Variants in TOPBP1 observed in about 807,000 individuals in gnomAD.
The protein encoded by TOPBP1 is DNA topoisomerase 2-binding protein 1.
A neutral mutation model predicts 167.7 loss-of-function variants in TOPBP1; 28 were observed. The ratio of observed to expected loss-of-function variants is 0.17; its 90% CI spans 0.12 to 0.23. The LOEUF is 0.23. Ranked by LOEUF, TOPBP1 falls within the 10% of genes least tolerant of loss-of-function variation. The probability of loss-of-function intolerance (pLI) is 1.00; values close to 1 mark genes in which losing one functional copy is unlikely to be tolerated. For missense variants in TOPBP1, 1,554 were observed against 1,809.6 expected (o/e 0.86, Z 2.56); for synonymous variants, 598 against 611.4 (o/e 0.98, Z 0.32).
At chr3:133,625,059 C>T (rs940118638) in intron 16 of TOPBP1, among the ~76,000 whole-genome samples, 1 of 152,162 alleles carries the variant, frequency 6.6e-6, no homozygotes, top group Non-Finnish European at 1.5e-5. Context: ...CTCCACCTCC[C>T]GGGTTCAAGC....
rs182261178 is a variant in TOPBP1, at chr3:133,601,443, G to A, written c.4426-50C>T. ...TTTTAAAATGATTTCAAACATTTAC[G>A]TGATCTGGTAATAGATTTTTTCTTT... On this transcript the variant is annotated intron_variant, in intron 27 of 27. Coordinates refer to ENST00000260810, the MANE Select transcript of TOPBP1 (RefSeq NM_007027.4). 5.0e-4 allele frequency: 658 copies of A among 1,321,524 alleles called. 1 individual carries two copies. Among genetic ancestry groups the A allele is most frequent in the Middle Eastern group, 5.3e-4 (2 of 3,756 alleles). 81.9% of individuals were successfully genotyped at this position (1,321,524 alleles called of 1,614,324 possible). A position where few individuals can be genotyped will look rare whatever the true frequency, so the allele number is the denominator to read the frequency against.
chr3:133,654,954 A>G (rs1936426829), intron 6 of TOPBP1, among the ~76,000 whole-genome samples: 1 of 152,204 alleles, frequency 6.6e-6, no homozygotes, highest in Non-Finnish European at 1.5e-5. Flanking sequence ...TCATGCCTGT[A>G]ATCCCAGGAC....
At chr3:133,603,622 AG>A (rs1934385641) in intron 27 of TOPBP1, among the ~76,000 whole-genome samples, 2 of 152,362 alleles carry the variant, frequency 1.3e-5, no homozygotes, top group South Asian at 2.1e-4. Context: ...GTTATAACAA[AG>A]GATCAATATG....
intron 16 of TOPBP1, chr3:133,628,149 C>A: frequency 1.9e-6 from 1 of 523,052 alleles, no homozygotes; most frequent in Non-Finnish European, 3.4e-6. Flanking sequence ...TGTGCATACC[C>A]TAAAAAATAT....
At chr3:133,620,596 G>T (rs538524478) in intron 19 of TOPBP1, among the ~76,000 whole-genome samples, 16 of 109,572 alleles carry the variant, frequency 1.5e-4, no homozygotes, top group East Asian at 1.4e-3. Flanking sequence ...TTTTTTTTTG[G>T]TGATAGTCTA....
chr3:133,652,652 A>G, intron 7 of TOPBP1, 23 bp from the exon 8 acceptor site: 1 of 1,554,720 alleles, frequency 6.4e-7, no homozygotes, highest in Non-Finnish European at 8.7e-7. Context: ...AAAACGTATA[A>G]ATTTATGGGA....
rs1197302309 is a variant in TOPBP1, at chr3:133,638,092, T to A, written c.2304A>T (p.Thr768=). ...CGGTTTTTCTGTGAGTTTGCAGGCG[T>A]GTGCCAGGATGCTCTGCAGTATCTG... The part of the protein sequence containing the change: ...LNSDTAEHPG[T]RLQTHRKTVV... Residue 768 remains threonine, a synonymous_variant, in exon 14 of 28, where the codon ACA becomes ACT. Coordinates refer to ENST00000260810, the MANE Select transcript of TOPBP1 (RefSeq NM_007027.4). 2 of 1,614,040 alleles carry A rather than the reference T, an allele frequency of 1.2e-6. No individual in the cohort carries two copies. The highest frequency in any genetic ancestry group is 1.7e-6 in the Non-Finnish European group (2 of 1,179,878).
chr3:133,632,197 G>T (rs979127666), intron 14 of TOPBP1, among the ~76,000 whole-genome samples: 11 of 151,836 alleles, frequency 7.2e-5, no homozygotes, highest in Non-Finnish European at 2.9e-5. Flanking sequence ...TTGAGGTCAG[G>T]AGTTTGAGAC....
chr3:133,660,311 C>A (rs1434078225), intron 2 of TOPBP1, among the ~76,000 whole-genome samples: 1 of 152,162 alleles, frequency 6.6e-6, no homozygotes, highest in Admixed American at 6.5e-5. Context: ...TTTTTCTCTT[C>A]CTAATTTATC....
chr3:133,659,409 C>A (rs1331443615), intron 2 of TOPBP1, among the ~76,000 whole-genome samples: 1 of 152,134 alleles, frequency 6.6e-6, no homozygotes, highest in African/African-American at 2.4e-5. Flanking sequence ...TGTCTTCACA[C>A]CACACCCAGA....
Position 133,644,225 on chromosome 3 carries a change from GTAA to G in TOPBP1, c.1640_1642del (p.Ile547del). Reference sequence around the variant, plus strand: ...CTTTTGGCTAAATAAGCCTTCTTCAGTAATTGTAGAAACATCAGGGACACAATG... The same window carrying G: ...CTTTTGGCTAAATAAGCCTTCTTCAGTTGTAGAAACATCAGGGACACAATG... On this transcript the variant is annotated inframe_deletion, in exon 11 of 28. Coordinates refer to ENST00000260810, the MANE Select transcript of TOPBP1 (RefSeq NM_007027.4). 2 of 1,613,864 alleles carry G rather than the reference GTAA, an allele frequency of 1.2e-6. No individual in the cohort carries two copies. The highest frequency in any genetic ancestry group is 1.7e-6 in the Non-Finnish European group (2 of 1,179,838).
In TOPBP1 at chr3:133,628,541, A is replaced by G. The variant is rs955136611; in HGVS notation, c.2694+19T>C. The stretch of plus-strand genomic sequence containing the variant: ...AAATGTTATCTAAAACTTCCTTTTA[A>G]TAAGAGAACTAATCCTACCTTCTCT... On this transcript the variant is annotated intron_variant, in intron 15 of 27. Transcript: ENST00000260810. 2.5e-6 allele frequency: 4 copies of G among 1,608,290 alleles called. No individual in the cohort carries two copies. The highest frequency in any genetic ancestry group is 1.3e-5 in the African/African-American group (1 of 74,774).
At chr3:133,658,821 A>G (rs1936576556) in intron 3 of TOPBP1, among the ~76,000 whole-genome samples, 195 bp downstream of exon 3, 1 of 152,140 alleles carries the variant, frequency 6.6e-6, no homozygotes, top group South Asian at 2.1e-4. Flanking sequence ...AAACAAAAAC[A>G]AAAACAAACA....
At chr3:133,639,828 G>A in intron 13 of TOPBP1, 131 bp downstream of exon 13, 1 of 808,822 alleles carries the variant, frequency 1.2e-6, no homozygotes, top group South Asian at 1.8e-5. Flanking sequence ...TTCGAACACT[G>A]AGACCCTCAC....
At chr3:133,606,877 A>C (rs954908244) in intron 27 of TOPBP1, among the ~76,000 whole-genome samples, 6 of 152,146 alleles carry the variant, frequency 3.9e-5, no homozygotes, top group Non-Finnish European at 7.4e-5. Flanking sequence ...TCATAGAGCT[A>C]AACATAAAAG....
intron 2 of TOPBP1, among the ~76,000 whole-genome samples, chr3:133,660,168 C>T (rs542389556): frequency 6.6e-6 from 1 of 152,126 alleles, no homozygotes; most frequent in Non-Finnish European, 1.5e-5. Flanking sequence ...GCAAGGCTAT[C>T]TCACCTCCTT....
At chr3:133,619,135 A>AAAAAC (rs202080007) in intron 20 of TOPBP1, among the ~76,000 whole-genome samples, 19,920 of 149,326 alleles carry the variant, frequency 0.13, 1,660 homozygotes, top group Non-Finnish European at 0.2. Context: ...ACAAAAAACA[A>AAAAAC]AAAACAAAAC....
Position 133,653,375 on chromosome 3 carries a change from T to G in TOPBP1, c.892A>C (p.Thr298Pro). The change falls in exon 7 of 28, where the codon ACT becomes CCT. Residue 298 changes from threonine to proline, a missense_variant. Transcript: ENST00000260810. ...ATTGTGTTGATCTGGCTGGTAGGAG[T>G]TGAAGAATTGGGCATAGTCTTTGCT... ...PEAKTMPNSS[T>P]PTSQINTIDS... is the part of the protein sequence containing the mutation. The G allele has an allele frequency of 6.2e-7, 1 of 1,607,630 alleles. No individual in the cohort carries two copies. Among genetic ancestry groups the G allele is most frequent in the South Asian group, 1.1e-5 (1 of 89,732 alleles).
At position 133,648,964 on chromosome 3, in the gene TOPBP1, A is replaced by G. The variant is rs75225655; in HGVS notation, c.1504+419T>C. ...GCTTTTTTTTAATAAAAAAGAAGTA[A>G]TGATGTTTATAATGCTTCACTGGCA... On this transcript the variant is annotated intron_variant, in intron 10 of 27. Coordinates refer to ENST00000260810, the MANE Select transcript of TOPBP1 (RefSeq NM_007027.4). Among the ~76,000 whole-genome samples, 95 of 152,288 alleles carry G rather than the reference A, an allele frequency of 6.2e-4. No individual in the cohort carries two copies. The East Asian group carries it at 0.015, about 24-fold the overall frequency.
Sources: allele counts gnomAD v4.1 joint callset (sites outside exome capture counted in the v4.1 genomes callset), GRCh38; gene constraint gnomAD v4.1.1; transcripts MANE v1.5; gene names NCBI Gene and HGNC (gene_info 2026-07-23, HGNC 2026-07-21).